The following PLA2R1 variants were observed in gnomAD, a reference collection of about 807,000 sequenced individuals.
The protein encoded by PLA2R1 is phospholipase A2 receptor 1, also known as secretory phospholipase A2 receptor.
A neutral mutation model predicts 195.9 loss-of-function variants in PLA2R1; 158 were observed. That is an observed-to-expected ratio of 0.81 (90% CI 0.71 to 0.92). The LOEUF is 0.92. Among genes scored for constraint, PLA2R1 ranks in the 40% least tolerant of loss-of-function variants. The probability of loss-of-function intolerance (pLI) is 0.00; values close to 1 mark genes in which losing one functional copy is unlikely to be tolerated. For missense variants in PLA2R1, 1,626 were observed against 1,764.6 expected, an observed-to-expected ratio of 0.92 and a Z score of 1.41; for synonymous variants, 586 against 598.2, an observed-to-expected ratio of 0.98 and a Z score of 0.30.
intron 9 of PLA2R1, among the ~76,000 whole-genome samples, chr2:160,014,782 C>T (rs1373463558): frequency 6.6e-6 from 1 of 152,148 alleles, no homozygotes; most frequent in Non-Finnish European, 1.5e-5. Context: ...CTGCTCTGAA[C>T]TCACTCCCCT....
chr2:160,013,284 G>A lies in PLA2R1; in HGVS notation c.1643C>T (p.Ala548Val). 6.3e-7 allele frequency: 1 copy of A among 1,598,186 alleles called. No homozygotes were observed. The highest frequency in any genetic ancestry group is 8.6e-7 in the Non-Finnish European group (1 of 1,165,882). ...TTACCTGTTTGTAATGGTTACAAGTGCAGGAGGACAGTAATAACCGCTGGA... is the reference window on the plus strand; with the variant it reads ...TTACCTGTTTGTAATGGTTACAAGTACAGGAGGACAGTAATAACCGCTGGA... The part of the protein sequence containing the change: ...QASSGYYCPP[A>V]LVTITNRFEQ... The change falls in exon 10 of 30, where the codon GCA (alanine) becomes GTA (valine). Residue 548 changes from alanine to valine, a missense_variant. Physicochemically the swap from Ala to Val is moderately conservative, Grantham distance 64 (BLOSUM62 0). Transcript: ENST00000283243.
chr2:159,967,911 CTAAA>C (rs1196110902), intron 19 of PLA2R1, among the ~76,000 whole-genome samples: 2 of 152,048 alleles, frequency 1.3e-5, no homozygotes, highest in African/African-American at 4.8e-5. Context: ...TTAAAAAAAT[CTAAA>C]TAAATACTGC....
chr2:159,983,429 AT>A (rs1259069170), intron 13 of PLA2R1, among the ~76,000 whole-genome samples: 1 of 151,124 alleles, frequency 6.6e-6, no homozygotes, highest in African/African-American at 2.5e-5. Flanking sequence ...TTGGGTTGGA[AT>A]TAAAAAAAAA....
At chr2:159,999,124 T>C (rs2105367975) in intron 11 of PLA2R1, among the ~76,000 whole-genome samples, 1 of 152,240 alleles carries the variant, frequency 6.6e-6, no homozygotes, top group South Asian at 2.1e-4. Flanking sequence ...GTGAGGGCGC[T>C]GCAAGAAGGC....
chr2:160,056,519 T>A (rs1471334760), intron 1 of PLA2R1, among the ~76,000 whole-genome samples: 3 of 152,208 alleles, frequency 2.0e-5, no homozygotes, highest in Non-Finnish European at 4.4e-5. Context: ...TTGCACTCTA[T>A]AACCACTACC....
At chr2:159,973,346 C>G (rs183433586) in intron 17 of PLA2R1, among the ~76,000 whole-genome samples, 1 of 151,928 alleles carries the variant, frequency 6.6e-6, no homozygotes, top group South Asian at 2.1e-4. Context: ...AATTTGATAT[C>G]CTTTCCCCTT....
chr2:160,006,678 T>C (rs568534489), intron 10 of PLA2R1, among the ~76,000 whole-genome samples: 1 of 152,314 alleles, frequency 6.6e-6, no homozygotes, highest in Admixed American at 6.5e-5. Flanking sequence ...TTTTAGAACA[T>C]ACAAAGTTAG....
At chr2:159,966,724 G>T (rs193223655) in intron 20 of PLA2R1, among the ~76,000 whole-genome samples, 1 of 152,252 alleles carries the variant, frequency 6.6e-6, no homozygotes, top group Admixed American at 6.5e-5. Context: ...GTCCACAATT[G>T]AAGAGGAATT....
chr2:160,006,955 T>C (rs1217813480), intron 10 of PLA2R1, among the ~76,000 whole-genome samples: 2 of 152,226 alleles, frequency 1.3e-5, no homozygotes, highest in Non-Finnish European at 2.9e-5. Flanking sequence ...TTAAGTGCCT[T>C]ACAGATATTA....
intron 14 of PLA2R1, among the ~76,000 whole-genome samples, chr2:159,977,821 T>C (rs1255850687): frequency 6.6e-6 from 1 of 152,014 alleles, no homozygotes; most frequent in East Asian, 1.9e-4. Context: ...TGGGCACCTG[T>C]AGTCCCAGCT....
rs901813293 is a variant in PLA2R1 at position 159,932,152 on chromosome 2, G to A, written c.*9626C>T. The A allele has an allele frequency of 1.3e-5, 2 of 152,200 alleles. No homozygotes were observed. Among genetic ancestry groups the A allele is most frequent in the African/African-American group, 4.8e-5 (2 of 41,438 alleles). 9.4% of individuals were successfully genotyped at this position (152,200 alleles called of 1,614,324 possible). A position where few individuals can be genotyped will look rare whatever the true frequency, so the allele number is the denominator to read the frequency against. On this transcript the variant is annotated 3_prime_UTR_variant, in exon 30 of 30. Transcript: ENST00000283243. ...CTTGGGACGTTTAGTATAAGTTGCA[G>A]TAGCAATCGCAGGGAATTTCTACCT...
chr2:160,050,216 A>T (rs1695131496), intron 1 of PLA2R1, among the ~76,000 whole-genome samples: 1 of 152,274 alleles, frequency 6.6e-6, no homozygotes, highest in Non-Finnish European at 1.5e-5. Flanking sequence ...CTGGCTCTTC[A>T]ACTGATGTCA....
At position 160,022,758 on chromosome 2, in the gene PLA2R1, C is replaced by CT. The variant is rs774555477; in HGVS notation, c.1200_1201insA (p.Glu401ArgfsTer9). On this transcript the variant is annotated frameshift_variant, in exon 7 of 30. Transcript: ENST00000283243. LOFTEE classifies it high-confidence loss of function. ...TCAGCCTGACAAGAACGCAGAGCCT[C>CT]ATGCCAGGTCTTTTCTTCTTTCTGA... The CT allele has an allele frequency of 2.5e-6, 4 of 1,613,528 alleles. No homozygotes were observed. Among genetic ancestry groups the CT allele is most frequent in the Non-Finnish European group, 3.4e-6 (4 of 1,179,554 alleles).
intron 11 of PLA2R1, among the ~76,000 whole-genome samples, chr2:159,994,627 A>G (rs568686964): frequency 5.3e-5 from 8 of 152,086 alleles, no homozygotes; most frequent in Non-Finnish European, 1.2e-4. Context: ...TATGATGTTG[A>G]GGATTTGTTA....
At chr2:159,924,203 C>T in the PLA2R1 span, among the ~76,000 whole-genome samples, 1 of 152,190 alleles carries the variant, frequency 6.6e-6, no homozygotes, top group Non-Finnish European at 1.5e-5. Flanking sequence ...TGTTGAATCT[C>T]CCTCTGACTG....
chr2:159,949,585 GA>G (rs1560135764), intron 25 of PLA2R1, 22 bp downstream of exon 25: 2 of 1,573,996 alleles, frequency 1.3e-6, no homozygotes, highest in Non-Finnish European at 1.7e-6. Context: ...GTATATTTTT[GA>G]GTTGAATAGA....
At chr2:159,973,536 C>T (rs1279893025) in intron 17 of PLA2R1, among the ~76,000 whole-genome samples, 1 of 152,030 alleles carries the variant, frequency 6.6e-6, no homozygotes, top group Non-Finnish European at 1.5e-5. Flanking sequence ...AGCTCCTTTG[C>T]CTCTTCCACT....
intron 17 of PLA2R1, among the ~76,000 whole-genome samples, chr2:159,973,159 T>A (rs79186192): frequency 6.6e-6 from 1 of 152,280 alleles, no homozygotes; most frequent in South Asian, 2.1e-4. Flanking sequence ...TTGCTCCTCA[T>A]CCTGGAATGA....
chr2:160,028,083 C>T (rs1693631062), intron 6 of PLA2R1, 135 bp downstream of exon 6: 1 of 594,966 alleles, frequency 1.7e-6, no homozygotes, highest in East Asian at 3.0e-5. Flanking sequence ...TCTAGTTACA[C>T]ATCTTTTCAT....
Sources: allele counts gnomAD v4.1 joint callset (sites outside exome capture counted in the v4.1 genomes callset), GRCh38; gene constraint gnomAD v4.1.1; transcripts MANE v1.5; gene names NCBI Gene and HGNC (gene_info 2026-07-23, HGNC 2026-07-21).